The following KIAA1328 variants were observed in gnomAD, a reference collection of about 807,000 sequenced individuals.
KIAA1328 encodes the protein KIAA1328.
KIAA1328 carries 52 observed loss-of-function variants against 68.1 expected under a neutral mutation model. That is an observed-to-expected ratio of 0.76 (90% CI 0.61 to 0.96). The LOEUF (loss-of-function observed/expected upper bound fraction) is 0.96, where lower values mean the gene tolerates loss of function less well. Among genes scored for constraint, KIAA1328 ranks in the 40% least tolerant of loss-of-function variants. The pLI, the probability that KIAA1328 is intolerant of heterozygous loss-of-function variation, is 0.00. For synonymous variants in KIAA1328, 232 were observed against 239.4 expected, an observed-to-expected ratio of 0.97 and a Z score of 0.28; for missense variants, 641 against 677.6, an observed-to-expected ratio of 0.95 and a Z score of 0.60.
chr18:36,858,815 A>T (rs1429186848), intron 4 of KIAA1328, among the ~76,000 whole-genome samples: 1 of 152,222 alleles, frequency 6.6e-6, no homozygotes, highest in Non-Finnish European at 1.5e-5. Flanking sequence ...ATGATGCATC[A>T]TCAGCATATG....
intron 5 of KIAA1328, among the ~76,000 whole-genome samples, chr18:36,909,587 G>A (rs1229774347): frequency 6.6e-6 from 1 of 152,052 alleles, no homozygotes; most frequent in Non-Finnish European, 1.5e-5. Flanking sequence ...TAGTGCCACA[G>A]TAAACATATG....
chr18:37,073,633 T>C (rs1038505819), intron 7 of KIAA1328, among the ~76,000 whole-genome samples: 3 of 152,206 alleles, frequency 2.0e-5, no homozygotes, highest in African/African-American at 7.2e-5. Flanking sequence ...CATTCTGTTT[T>C]TGAGCAAGTC....
At chr18:37,111,288 AG>A (rs2057922762) in intron 7 of KIAA1328, among the ~76,000 whole-genome samples, 1 of 152,206 alleles carries the variant, frequency 6.6e-6, no homozygotes, top group Admixed American at 6.5e-5. Flanking sequence ...TTTTCAGGAA[AG>A]CCTCAGGTCT....
At chr18:37,174,559 GGATTTT>G (rs1202983262) in intron 9 of KIAA1328, among the ~76,000 whole-genome samples, 269 of 141,350 alleles carry the variant, frequency 1.9e-3, no homozygotes, top group African/African-American at 5.6e-3. Context: ...ATTTTTTTTT[GGATTTT>G]TATTTTTATT....
At chr18:36,914,716 T>C (rs1217126819) in intron 5 of KIAA1328, among the ~76,000 whole-genome samples, 4 of 152,112 alleles carry the variant, frequency 2.6e-5, no homozygotes, top group African/African-American at 9.7e-5. Flanking sequence ...GGAAACTCTG[T>C]CTCATTTAAA....
chr18:37,218,813 T>A (rs1288168429), intron 9 of KIAA1328, among the ~76,000 whole-genome samples: 1 of 152,260 alleles, frequency 6.6e-6, no homozygotes, highest in Non-Finnish European at 1.5e-5. Flanking sequence ...AGCCTACTTC[T>A]GTCAACTTGT....
chr18:37,049,737 A>C (rs1275763654), intron 6 of KIAA1328, among the ~76,000 whole-genome samples: 2 of 152,192 alleles, frequency 1.3e-5, no homozygotes, highest in African/African-American at 2.4e-5. Flanking sequence ...TTTAGTAATA[A>C]GGCTGTGATT....
intron 9 of KIAA1328, among the ~76,000 whole-genome samples, chr18:37,200,791 C>T (rs953475493): frequency 6.8e-6 from 1 of 146,804 alleles, no homozygotes; most frequent in African/African-American, 2.5e-5. Flanking sequence ...GCAGTCCGGC[C>T]TGGGCGACAG....
intron 5 of KIAA1328, among the ~76,000 whole-genome samples, chr18:36,939,167 G>C (rs55992510): frequency 0.14 from 20,698 of 152,076 alleles, 1,752 homozygotes; most frequent in Admixed American, 0.18. Context: ...GGCACTGAAT[G>C]TGTTGATCAC....
chr18:36,983,508 G>A (rs962318162), intron 6 of KIAA1328, among the ~76,000 whole-genome samples: 1 of 151,852 alleles, frequency 6.6e-6, no homozygotes, highest in Non-Finnish European at 1.5e-5. Context: ...AAAATCTAAG[G>A]ATGTAGAACA....
chr18:37,102,344 G>T lies in KIAA1328; in HGVS notation c.1232+34799G>T, dbSNP rs369850789. Among the ~76,000 whole-genome samples the T allele has an allele frequency of 3.9e-5, 6 of 152,134 alleles. No individual in the cohort carries two copies. In the East Asian group the frequency reaches 5.8e-4, roughly 15 times the overall value. On this transcript the variant is annotated intron_variant, in intron 7 of 9. Coordinates refer to ENST00000280020, the MANE Select transcript of KIAA1328 (RefSeq NM_020776.3). ...GCTGGGCTTAATACCTGGGTAGTGG[G>T]ATGATCTGTGAAGCAACCACCATGG... is the stretch of plus-strand genomic sequence containing the variant.
intron 9 of KIAA1328, among the ~76,000 whole-genome samples, chr18:37,181,869 A>C (rs2059704935): frequency 6.6e-6 from 1 of 152,198 alleles, no homozygotes; most frequent in South Asian, 2.1e-4. Flanking sequence ...ATAATTTTAG[A>C]AACAATGTTT....
chr18:36,929,562 A>C (rs2050239671), intron 5 of KIAA1328, among the ~76,000 whole-genome samples: 2 of 152,054 alleles, frequency 1.3e-5, no homozygotes, highest in South Asian at 4.1e-4. Context: ...GGTAGGTGTT[A>C]TGCACTGAAT....
At chr18:36,958,536 A>C (rs936342284) in intron 5 of KIAA1328, among the ~76,000 whole-genome samples, 2 of 152,102 alleles carry the variant, frequency 1.3e-5, no homozygotes, top group Admixed American at 6.5e-5. Flanking sequence ...TGGTCATCTT[A>C]GTTGATGCAA....
At chr18:37,068,985 G>C (rs1037207148) in intron 7 of KIAA1328, among the ~76,000 whole-genome samples, 2 of 151,938 alleles carry the variant, frequency 1.3e-5, no homozygotes, top group African/African-American at 4.8e-5. Context: ...TAATTTTAAT[G>C]AAGTCCAATT....
At chr18:36,853,307 T>G (rs11662905) in intron 4 of KIAA1328, among the ~76,000 whole-genome samples, 20,736 of 152,232 alleles carry the variant, frequency 0.14, 1,759 homozygotes, top group Admixed American at 0.18. Flanking sequence ...ACATTTACAT[T>G]TAAAGTAATT....
At chr18:37,214,683 G>C (rs548576316) in intron 9 of KIAA1328, among the ~76,000 whole-genome samples, 16 of 152,294 alleles carry the variant, frequency 1.1e-4, no homozygotes, top group Non-Finnish European at 1.9e-4. Flanking sequence ...CCAGTTCTGT[G>C]AAGAAAGTCA....
At chr18:37,159,913 G>A (rs886295846) in intron 7 of KIAA1328, among the ~76,000 whole-genome samples, 3 of 152,052 alleles carry the variant, frequency 2.0e-5, no homozygotes, top group African/African-American at 7.2e-5. Flanking sequence ...AGATAGCCTG[G>A]TTCTTAGTCA....
chr18:37,222,499 G>C lies in KIAA1328; in HGVS notation c.*272G>C. The C allele has an allele frequency of 8.0e-7, 1 of 1,244,756 alleles. No homozygotes were observed. The highest frequency in any genetic ancestry group is 1.0e-6 in the Non-Finnish European group (1 of 987,448). The allele number at this position is 1,244,756 out of a possible 1,614,324, so 77.1% of individuals were successfully genotyped here. A position where few individuals can be genotyped will look rare whatever the true frequency, so the allele number is the denominator to read the frequency against. On this transcript the variant is annotated 3_prime_UTR_variant, in exon 10 of 10. Transcript: ENST00000280020. The stretch of plus-strand genomic sequence containing the variant: ...AGAAAATTAACATAGGATACTTTCT[G>C]CGTGGTGGAAACCATTGCATATTCA...
Sources: allele counts gnomAD v4.1 joint callset (sites outside exome capture counted in the v4.1 genomes callset), GRCh38; gene constraint gnomAD v4.1.1; transcripts MANE v1.5; gene names NCBI Gene and HGNC (gene_info 2026-07-23, HGNC 2026-07-21).